SMLR1: variants seen among roughly 807,000 people sequenced by gnomAD.
SMLR1 encodes small leucine-rich protein 1.
Under a neutral mutation model 6.1 loss-of-function variants are expected in SMLR1, and 3 were observed. That is an observed-to-expected ratio of 0.49 (90% CI 0.22 to 1.28). The LOEUF (loss-of-function observed/expected upper bound fraction) is 1.28, where lower values mean the gene tolerates loss of function less well. SMLR1 is among the 50% of genes most tolerant of loss of function. The probability of loss-of-function intolerance (pLI) is 0.19; values close to 1 mark genes in which losing one functional copy is unlikely to be tolerated. For synonymous variants in SMLR1, 55 were observed against 53.6 expected, an observed-to-expected ratio of 1.03 and a Z score of -0.11; for missense variants, 126 against 124.8, an observed-to-expected ratio of 1.01 and a Z score of -0.05.
chr6:130,834,444 TAG>T (rs1316898377), intron 1 of SMLR1, among the ~76,000 whole-genome samples: 3 of 152,104 alleles, frequency 2.0e-5, no homozygotes, highest in Non-Finnish European at 4.4e-5. Context: ...AAAGCTGAAA[TAG>T]AGTCATCAGT....
In SMLR1 at chr6:130,827,532, C is replaced by A; in HGVS notation, c.119C>A (p.Ser40Tyr). 1 of 1,536,014 alleles carries A rather than the reference C, an allele frequency of 6.5e-7. No homozygotes were observed. The highest frequency in any genetic ancestry group is 1.4e-5 in the African/African-American group (1 of 73,130). Residue 40 changes from serine to tyrosine, a missense_variant, in exon 1 of 2, where the codon TCT becomes TAT. Ser to Tyr is a moderately radical substitution (Grantham distance 144). Transcript: ENST00000541421. Reference sequence around the variant, plus strand: ...GGGTCTGTGTGGTTGGCAATGAGCTCTGTGCTGTCAGCTTTCATGAGGGAG... The same window carrying A: ...GGGTCTGTGTGGTTGGCAATGAGCTATGTGCTGTCAGCTTTCATGAGGGAG... ...PVGSVWLAMS[S>Y]VLSAFMRELP... is the part of the protein sequence containing the mutation.
At chr6:130,831,512 G>A (rs1774446757) in intron 1 of SMLR1, among the ~76,000 whole-genome samples, 1 of 152,004 alleles carries the variant, frequency 6.6e-6, no homozygotes, top group South Asian at 2.1e-4. Flanking sequence ...AAAAATTATA[G>A]TTCTGGCACC....
At chr6:130,832,001 G>A (rs899390460) in intron 1 of SMLR1, among the ~76,000 whole-genome samples, 11 of 152,120 alleles carry the variant, frequency 7.2e-5, no homozygotes, top group South Asian at 2.1e-4. Flanking sequence ...CTAACATCCC[G>A]CACTCTTCAA....
In SMLR1 at chr6:130,836,676, A is replaced by G. The variant is rs1041604195; in HGVS notation, c.*1721A>G. On this transcript the variant is annotated 3_prime_UTR_variant, in exon 2 of 2. Transcript: ENST00000541421. ...CTGACTAGATTTATGAATGTTTTTT[A>G]TATGTAGAGAGGGGCAGAAACATGT... 3 of 152,188 alleles carry G rather than the reference A, an allele frequency of 2.0e-5. No individual in the cohort carries two copies. The highest frequency in any genetic ancestry group is 4.4e-5 in the Non-Finnish European group (3 of 68,012). The allele number at this position is 152,188 out of a possible 1,614,324, so 9.4% of individuals were successfully genotyped here. A position where few individuals can be genotyped will look rare whatever the true frequency, so the allele number is the denominator to read the frequency against.
At chr6:130,832,247 A>G (rs188662705) in intron 1 of SMLR1, among the ~76,000 whole-genome samples, 1 of 152,318 alleles carries the variant, frequency 6.6e-6, no homozygotes, top group African/African-American at 2.4e-5. Context: ...AATGACAAAC[A>G]TGGCCAAAAA....
Position 130,835,520 on chromosome 6 carries a change from A to G in SMLR1, c.*565A>G, listed in dbSNP as rs1369713332. ...TTCCTGATTGCTTTCACAAATCATT[A>G]TTGTCACAAATATGCACAAAACAAG... is the stretch of plus-strand genomic sequence containing the variant. On this transcript the variant is annotated 3_prime_UTR_variant, in exon 2 of 2. Coordinates refer to ENST00000541421, the MANE Select transcript of SMLR1 (RefSeq NM_001195597.2). The G allele has an allele frequency of 2.0e-5, 3 of 152,620 alleles. No individual in the cohort carries two copies. The highest frequency in any genetic ancestry group is 4.8e-5 in the African/African-American group (2 of 41,444). The allele number at this position is 152,620 out of a possible 1,614,324, so 9.5% of individuals were successfully genotyped here.
intron 1 of SMLR1, among the ~76,000 whole-genome samples, chr6:130,831,023 C>G (rs970377383): frequency 6.6e-6 from 1 of 152,218 alleles, no homozygotes. Context: ...TTTCACTTTA[C>G]GAACTCGCCC....
rs1774314046 is a variant in SMLR1 at position 130,827,583 on chromosome 6, G to C, written c.170G>C (p.Gly57Ala). Residue 57 changes from glycine (G) to alanine (A), a missense_variant, in exon 1 of 2, where the codon GGG becomes GCG. Gly to Ala is a moderately conservative substitution (Grantham distance 60). Coordinates refer to ENST00000541421, the MANE Select transcript of SMLR1 (RefSeq NM_001195597.2). ...RELPGWFLFFGVFLPVTLLLL... is the reference protein window; with the variant it reads ...RELPGWFLFFAVFLPVTLLLL... ...CTCCCTGGCTGGTTCCTGTTCTTTG[G>C]GGTCTTCCTCCCCGTGACTTTGCTG... The C allele has an allele frequency of 6.5e-7, 1 of 1,535,772 alleles. No individual in the cohort carries two copies.
rs1774605274 is a variant in SMLR1, at chr6:130,834,966, T to G, written c.*11T>G. The G allele has an allele frequency of 6.5e-7, 1 of 1,532,870 alleles. No individual in the cohort carries two copies. The allele number at this position is 1,532,870 out of a possible 1,614,324, so 95.0% of individuals were successfully genotyped here. On this transcript the variant is annotated 3_prime_UTR_variant, in exon 2 of 2. Transcript: ENST00000541421. ...ATGAAATGGACGTGAAGTTGGGGAC[T>G]TTCCAATAACTAAAGCACAATGAGT...
intron 1 of SMLR1, among the ~76,000 whole-genome samples, chr6:130,831,429 G>A (rs1426156799): frequency 6.6e-6 from 1 of 151,908 alleles, no homozygotes; most frequent in Admixed American, 6.6e-5. Context: ...AGGTTGATCT[G>A]GTCCCTTTAA....
intron 1 of SMLR1, among the ~76,000 whole-genome samples, chr6:130,830,114 T>C (rs979055098): frequency 6.6e-6 from 1 of 152,088 alleles, no homozygotes; most frequent in African/African-American, 2.4e-5. Flanking sequence ...TCTGGCAAAA[T>C]CAGCAGAAGT....
Position 130,835,344 on chromosome 6 carries a change from G to C in SMLR1, c.*389G>C, listed in dbSNP as rs1023638560. ...TTTTAGAGGTGAAGAAACCTTGGTA[G>C]AGATCCAATGAATAGCAAAAGATGA... is the stretch of plus-strand genomic sequence containing the variant. On this transcript the variant is annotated 3_prime_UTR_variant, in exon 2 of 2. Coordinates refer to ENST00000541421, the MANE Select transcript of SMLR1 (RefSeq NM_001195597.2). The C allele has an allele frequency of 6.0e-6, 1 of 167,080 alleles. No individual in the cohort carries two copies. Among genetic ancestry groups the C allele is most frequent in the African/African-American group, 2.4e-5 (1 of 41,966 alleles). The allele number at this position is 167,080 out of a possible 1,614,324, so 10.3% of individuals were successfully genotyped here.
In SMLR1 at chr6:130,836,655, C is replaced by T. The variant is rs1774674983; in HGVS notation, c.*1700C>T. 1 of 152,180 alleles carries T rather than the reference C, an allele frequency of 6.6e-6. No individual in the cohort carries two copies. The highest frequency in any genetic ancestry group is 6.5e-5 in the Admixed American group (1 of 15,278). 9.4% of individuals were successfully genotyped at this position (152,180 alleles called of 1,614,324 possible). On this transcript the variant is annotated 3_prime_UTR_variant, in exon 2 of 2. Transcript: ENST00000541421. ...AGCAGAGAATCTCCAATGAAACTGA[C>T]TAGATTTATGAATGTTTTTTATATG...
intron 1 of SMLR1, among the ~76,000 whole-genome samples, chr6:130,829,563 C>A (rs559635705): frequency 2.6e-5 from 4 of 152,318 alleles, no homozygotes; most frequent in African/African-American, 9.6e-5. Flanking sequence ...TGATGCCCTC[C>A]TATCTTCAGC....
intron 1 of SMLR1, among the ~76,000 whole-genome samples, chr6:130,829,368 T>C (rs186375578): frequency 6.7e-4 from 102 of 152,336 alleles, no homozygotes; most frequent in Middle Eastern, 3.4e-3. Context: ...AATGGGTCTA[T>C]GGTATTTTAT....
chr6:130,830,628 T>C (rs939076489), intron 1 of SMLR1, among the ~76,000 whole-genome samples: 15 of 152,180 alleles, frequency 9.9e-5, no homozygotes, highest in African/African-American at 3.6e-4. Context: ...CCTACTGGGC[T>C]GCATTCCCAG....
At chr6:130,834,741 A>G in intron 1 of SMLR1, 129 bp from the exon 2 acceptor site, 1 of 682,304 alleles carries the variant, frequency 1.5e-6, no homozygotes, top group Non-Finnish European at 2.6e-6. Context: ...ATCTGCTTGG[A>G]AGACCTGGAC....
intron 1 of SMLR1, among the ~76,000 whole-genome samples, chr6:130,831,385 C>T (rs1774442620): frequency 6.6e-6 from 1 of 152,128 alleles, no homozygotes; most frequent in African/African-American, 2.4e-5. Flanking sequence ...CCAGTGTTAG[C>T]AGCCAACTAT....
chr6:130,830,105 C>A (rs1774394712), intron 1 of SMLR1, among the ~76,000 whole-genome samples: 1 of 152,168 alleles, frequency 6.6e-6, no homozygotes, highest in Non-Finnish European at 1.5e-5. Flanking sequence ...CAGAAGGCAT[C>A]TGGCAAAATC....
Sources: gnomAD v4.1 joint callset for allele counts (sites outside exome capture counted in the v4.1 genomes callset) on GRCh38, gnomAD v4.1.1 for gene constraint, MANE v1.5 for transcripts, NCBI Gene and HGNC (gene_info 2026-07-23, HGNC 2026-07-21) for gene names.